Variants in ZC3HAV1 observed in about 807,000 individuals in gnomAD.
ZC3HAV1 encodes the protein zinc finger CCCH-type antiviral protein 1.
Under a neutral mutation model 86.6 loss-of-function variants are expected in ZC3HAV1, and 41 were observed. The observed-to-expected ratio is 0.47, with a 90% CI of 0.37 to 0.61. ZC3HAV1 has a LOEUF of 0.61. ZC3HAV1 is among the 20% of genes least tolerant of loss of function. The pLI is 0.00. For missense variants in ZC3HAV1, 964 were observed against 1,141.1 expected, an observed-to-expected ratio of 0.84 and a Z score of 2.24; for synonymous variants, 421 against 432.1, an observed-to-expected ratio of 0.97 and a Z score of 0.32.
chr7:139,086,415 T>G (rs995094181), intron 2 of ZC3HAV1, among the ~76,000 whole-genome samples: 1 of 122,176 alleles, frequency 8.2e-6, no homozygotes, highest in South Asian at 2.8e-4. Context: ...CACCCTCTAA[T>G]TGTGGGTACT....
Position 139,108,839 on chromosome 7 carries a change from T to C in ZC3HAV1, c.308+185A>G, listed in dbSNP as rs1818015337. Among the ~76,000 whole-genome samples, 2 of 152,174 alleles carry C rather than the reference T, an allele frequency of 1.3e-5. No homozygotes were observed. ...CTGGAGGTGCCGGAAGGAAGGGAACTGCAAAGGTAGAAGCGCGGGCCCTGC... is the reference window on the plus strand; with the variant it reads ...CTGGAGGTGCCGGAAGGAAGGGAACCGCAAAGGTAGAAGCGCGGGCCCTGC... On this transcript the variant is annotated intron_variant, in intron 1 of 12. Coordinates refer to ENST00000242351, the MANE Select transcript of ZC3HAV1 (RefSeq NM_020119.4). This position sits in a 1 kb window ranked among gnomAD's most constrained non-coding sequence, Gnocchi z 4.2.
At chr7:139,055,133 A>G in intron 10 of ZC3HAV1, 72 bp downstream of exon 10, 1 of 1,356,952 alleles carries the variant, frequency 7.4e-7, no homozygotes, top group Non-Finnish European at 1.0e-6. Flanking sequence ...CCAGACAAAC[A>G]CATACACTTG....
At chr7:139,092,998 G>T (rs1817477742) in intron 1 of ZC3HAV1, among the ~76,000 whole-genome samples, 1 of 152,158 alleles carries the variant, frequency 6.6e-6, no homozygotes, top group Non-Finnish European at 1.5e-5. Flanking sequence ...ATATTGATCA[G>T]CCACGAAGGT....
chr7:139,075,110 G>A (rs1350359114), intron 6 of ZC3HAV1, among the ~76,000 whole-genome samples: 2 of 152,084 alleles, frequency 1.3e-5, no homozygotes, highest in Admixed American at 1.3e-4. Flanking sequence ...TGTGGATTGA[G>A]GCTAGGAATA....
intron 3 of ZC3HAV1, among the ~76,000 whole-genome samples, chr7:139,083,336 A>G (rs773207629): frequency 6.6e-6 from 1 of 152,198 alleles, no homozygotes; most frequent in East Asian, 1.9e-4. Context: ...TGGTGTATAC[A>G]TATGCATGAA....
rs1817990275 is a variant in ZC3HAV1, at chr7:139,108,167, G to T, written c.308+857C>A. Among the ~76,000 whole-genome samples the T allele has an allele frequency of 1.3e-5, 2 of 151,994 alleles. No individual in the cohort carries two copies. The highest frequency in any genetic ancestry group is 4.1e-4 in the South Asian group (2 of 4,820). The stretch of plus-strand genomic sequence containing the variant: ...TGTGGACCTGGAAGCCATCTTTTTA[G>T]ATGTGCAGCTGTCCTCGAGGGAGCA... On this transcript the variant is annotated intron_variant, in intron 1 of 12. Coordinates refer to ENST00000242351, the MANE Select transcript of ZC3HAV1 (RefSeq NM_020119.4). The surrounding 1 kb of genome is among the most constrained non-coding windows in gnomAD (Gnocchi z 4.2).
intron 12 of ZC3HAV1, among the ~76,000 whole-genome samples, chr7:139,049,137 T>A (rs1816048557): frequency 9.1e-6 from 1 of 109,762 alleles, no homozygotes; most frequent in Non-Finnish European, 1.9e-5. Flanking sequence ...TTTTTTTTTT[T>A]TTTTTTCGTT....
intron 6 of ZC3HAV1, 140 bp from the exon 7 acceptor site, chr7:139,074,170 C>A: frequency 2.7e-6 from 2 of 733,894 alleles, no homozygotes; most frequent in East Asian, 3.2e-5. Flanking sequence ...GGCTCCAGGT[C>A]CTACACATAA....
intron 2 of ZC3HAV1, among the ~76,000 whole-genome samples, chr7:139,088,031 CA>C (rs10544425): frequency 0.029 from 1,704 of 57,886 alleles, 8 homozygotes; most frequent in African/African-American, 0.071. Flanking sequence ...GATCCTGTCT[CA>C]AAAAAAAAAA....
intron 4 of ZC3HAV1, chr7:139,079,166 C>A: frequency 6.5e-7 from 1 of 1,536,198 alleles, no homozygotes; most frequent in Non-Finnish European, 8.7e-7. Flanking sequence ...AACCTGGGTG[C>A]AGTTCTGCCC....
chr7:139,061,245 A>T, intron 8 of ZC3HAV1, 107 bp from the exon 9 acceptor site: 1 of 1,031,000 alleles, frequency 9.7e-7, no homozygotes, highest in Non-Finnish European at 1.4e-6. Context: ...TTCAAGACTG[A>T]CCTGTATGTA....
chr7:139,046,489 A>G lies in ZC3HAV1; in HGVS notation c.*1105T>C, dbSNP rs1362971508. 2 of 152,254 alleles carry G rather than the reference A, an allele frequency of 1.3e-5. No individual in the cohort carries two copies. Among genetic ancestry groups the G allele is most frequent in the Admixed American group, 6.5e-5 (1 of 15,288 alleles). The allele number at this position is 152,254 out of a possible 1,614,324, so 9.4% of individuals were successfully genotyped here. ...AAAAGCCTTCTCTGTAATCATATTA[A>G]TTAGAACATAAATGTCTACTTTGCC... On this transcript the variant is annotated 3_prime_UTR_variant, in exon 13 of 13. Transcript: ENST00000242351.
Position 139,061,073 on chromosome 7 carries a change from G to T in ZC3HAV1, c.2059C>A (p.Pro687Thr). 1 of 1,613,598 alleles carries T rather than the reference G, an allele frequency of 6.2e-7. No homozygotes were observed. Among genetic ancestry groups the T allele is most frequent in the Admixed American group, 1.7e-5 (1 of 59,926 alleles). ...KDVIRRPTFVPQWYVQQMKRG... is the reference protein window; with the variant it reads ...KDVIRRPTFVTQWYVQQMKRG... Reference sequence around the variant, plus strand: ...TTCATCTGCTGCACATACCACTGAGGCACAAATGTTGGTCTTCTGATGACA... The same window carrying T: ...TTCATCTGCTGCACATACCACTGAGTCACAAATGTTGGTCTTCTGATGACA... Residue 687 changes from proline to threonine, a missense_variant, in exon 9 of 13, where the codon CCT becomes ACT. Transcript: ENST00000242351.
chr7:139,047,940 G>A (rs1816008818), intron 12 of ZC3HAV1, 87 bp from the exon 13 acceptor site: 1 of 1,365,326 alleles, frequency 7.3e-7, no homozygotes, highest in East Asian at 2.5e-5. Context: ...TCAGATGGGT[G>A]TGGACTAAGC....
intron 6 of ZC3HAV1, 47 bp from the exon 7 acceptor site, chr7:139,074,077 G>C (rs1816863532): frequency 1.3e-6 from 2 of 1,550,400 alleles, no homozygotes; most frequent in Non-Finnish European, 1.8e-6. Flanking sequence ...ATTGACCCCT[G>C]TTTTCTACAA....
intron 4 of ZC3HAV1, 28 bp from the exon 5 acceptor site, chr7:139,078,681 G>A: frequency 6.7e-7 from 1 of 1,502,490 alleles, no homozygotes; most frequent in Non-Finnish European, 9.0e-7. Context: ...ATGCATGTAT[G>A]CTGATCTTAA....
At chr7:139,102,770 C>A (rs1490694988) in intron 1 of ZC3HAV1, among the ~76,000 whole-genome samples, 2 of 137,664 alleles carry the variant, frequency 1.5e-5, no homozygotes, top group Non-Finnish European at 3.1e-5. Context: ...CACACACACA[C>A]AAATTAGCCA....
intron 3 of ZC3HAV1, among the ~76,000 whole-genome samples, chr7:139,081,767 A>G (rs998988115): frequency 6.6e-6 from 1 of 152,246 alleles, no homozygotes; most frequent in Non-Finnish European, 1.5e-5. Context: ...TGTGAGGAAC[A>G]ATGATGAAAT....
intron 8 of ZC3HAV1, among the ~76,000 whole-genome samples, chr7:139,061,878 T>A (rs1816453120): frequency 6.6e-6 from 1 of 152,224 alleles, no homozygotes. Flanking sequence ...TATTACTTAT[T>A]CCTCAGTGAT....
Sources: gnomAD v4.1 joint callset for allele counts (sites outside exome capture counted in the v4.1 genomes callset) on GRCh38, gnomAD v4.1.1 for gene constraint, Gnocchi (gnomAD v3.1) non-coding constraint, MANE v1.5 for transcripts, NCBI Gene and HGNC (gene_info 2026-07-23, HGNC 2026-07-21) for gene names.